The following GRID2 variants were observed in gnomAD, a reference collection of about 807,000 sequenced individuals.
GRID2 encodes the protein glutamate ionotropic receptor delta type subunit 2, also known as glutamate receptor ionotropic, delta-2.
In GRID2, 33 loss-of-function variants were observed where a neutral mutation model predicts 114.8. That is an observed-to-expected ratio of 0.29 (90% CI 0.22 to 0.38). GRID2 has a LOEUF of 0.38. Among genes scored for constraint, GRID2 ranks in the 10% least tolerant of loss-of-function variants. The probability of loss-of-function intolerance (pLI) is 1.00; values close to 1 mark genes in which losing one functional copy is unlikely to be tolerated. For missense variants in GRID2, 1,184 were observed against 1,257.7 expected, an observed-to-expected ratio of 0.94 and a Z score of 0.89; for synonymous variants, 505 against 449.9, an observed-to-expected ratio of 1.12 and a Z score of -1.55.
At chr4:93,593,573 C>T in intron 13 of GRID2, among the ~76,000 whole-genome samples, 1 of 147,974 alleles carries the variant, frequency 6.8e-6, no homozygotes, top group Non-Finnish European at 1.5e-5. Context: ...GTGGCGTTCT[C>T]TGTATTTCCT....
rs140155950 is a variant in GRID2, at chr4:93,095,760, A to G, written c.529+10481A>G. 4.7e-4 allele frequency among the ~76,000 whole-genome samples: 72 copies of G among 152,150 alleles called. No homozygotes were observed. The East Asian group carries it at 6.6e-3, about 14-fold the overall frequency. On this transcript the variant is annotated intron_variant, in intron 3 of 15. Transcript: ENST00000282020. Reference sequence around the variant, plus strand: ...GACCAAGAGTATTTAAAGAAGAACTAAATAATGGAGAGATATATGTTCATG... The same window carrying G: ...GACCAAGAGTATTTAAAGAAGAACTGAATAATGGAGAGATATATGTTCATG...
intron 2 of GRID2, among the ~76,000 whole-genome samples, chr4:92,884,273 T>C (rs1169548475): frequency 6.6e-6 from 1 of 152,110 alleles, no homozygotes; most frequent in Non-Finnish European, 1.5e-5. Context: ...TTGAAGAGAG[T>C]TGGGGTCTTG....
chr4:92,754,574 A>G (rs964657381), intron 2 of GRID2, among the ~76,000 whole-genome samples: 13 of 152,174 alleles, frequency 8.5e-5, no homozygotes, highest in Non-Finnish European at 1.6e-4. Context: ...GATTAAATGA[A>G]TTATTATAAT....
chr4:92,567,173 G>A (rs888248314), intron 1 of GRID2, among the ~76,000 whole-genome samples: 4 of 151,828 alleles, frequency 2.6e-5, no homozygotes, highest in Admixed American at 1.3e-4. Context: ...AAAACTTATC[G>A]GATCAGATAA....
chr4:93,257,531 T>C (rs1469173446), intron 8 of GRID2, among the ~76,000 whole-genome samples: 3 of 151,772 alleles, frequency 2.0e-5, no homozygotes, highest in African/African-American at 7.2e-5. Flanking sequence ...ATTGTTTCTA[T>C]AGATAGAAGA....
At chr4:92,879,489 T>C (rs766275586) in intron 2 of GRID2, among the ~76,000 whole-genome samples, 2 of 152,190 alleles carry the variant, frequency 1.3e-5, no homozygotes, top group Non-Finnish European at 2.9e-5. Flanking sequence ...TAGCAGTGTA[T>C]ACCCATACAG....
intron 2 of GRID2, among the ~76,000 whole-genome samples, chr4:92,630,105 C>G (rs1449668533): frequency 1.3e-5 from 2 of 151,924 alleles, no homozygotes; most frequent in East Asian, 3.9e-4. Flanking sequence ...TGTCTATGTT[C>G]CCACTGTGAA....
rs372690684 is a variant in GRID2 at position 92,879,575 on chromosome 4, TGTAAGGCAA to T, written c.245-205418_245-205410del. ...GCCAGAGATCCCATATACACTTGCC[TGTAAGGCAA>T]GGGAACCATTGTCATTTTTATTCAT... On this transcript the variant is annotated intron_variant, in intron 2 of 15. Transcript: ENST00000282020. 5.3e-3 allele frequency among the ~76,000 whole-genome samples: 808 copies of T among 152,376 alleles called. 8 individuals carry two copies. The highest frequency in any genetic ancestry group is 0.019 in the African/African-American group (778 of 41,596).
chr4:93,046,363 G>A (rs996732755), intron 2 of GRID2, among the ~76,000 whole-genome samples: 10 of 152,138 alleles, frequency 6.6e-5, no homozygotes, highest in Admixed American at 6.6e-4. Context: ...TTCTTTTAAA[G>A]TTCACATTCT....
At position 93,435,365 on chromosome 4, in the gene GRID2, T is replaced by C. The variant is rs749180092; in HGVS notation, c.1545+12397T>C. On this transcript the variant is annotated intron_variant, in intron 10 of 15. Coordinates refer to ENST00000282020, the MANE Select transcript of GRID2 (RefSeq NM_001510.4). The stretch of plus-strand genomic sequence containing the variant: ...ATTTGGACTTTATATAAAATGTTTT[T>C]ATCTTTGTTGAAAGACTACACTTTG... Among the ~76,000 whole-genome samples the C allele has an allele frequency of 6.7e-4, 102 of 152,316 alleles. 1 individual carries two copies. Among genetic ancestry groups the C allele is most frequent in the Non-Finnish European group, 1.4e-3 (95 of 68,026 alleles).
intron 2 of GRID2, among the ~76,000 whole-genome samples, chr4:92,632,815 G>C (rs1189284279): frequency 6.6e-6 from 1 of 152,074 alleles, no homozygotes; most frequent in East Asian, 1.9e-4. Flanking sequence ...ATTATACATT[G>C]AAAGTAGATT....
chr4:93,549,474 C>T (rs746326801), intron 13 of GRID2, among the ~76,000 whole-genome samples: 3 of 152,140 alleles, frequency 2.0e-5, no homozygotes, highest in African/African-American at 2.4e-5. Context: ...CTATCGAGGT[C>T]GTGTGTTTGA....
chr4:92,367,622 A>G lies in GRID2; in HGVS notation c.88+62878A>G, dbSNP rs373928180. On this transcript the variant is annotated intron_variant, in intron 1 of 15. Transcript: ENST00000282020. The stretch of plus-strand genomic sequence containing the variant: ...GGCAGAAAGGGCAAGTTTCCGTTAA[A>G]GGGAGATGTGTAGCTGTGATCACTT... Among the ~76,000 whole-genome samples, 168 of 152,216 alleles carry G rather than the reference A, an allele frequency of 1.1e-3. 1 individual carries two copies. The South Asian group carries it at 0.011, about 10-fold the overall frequency.
chr4:93,425,782 C>T (rs182528367), intron 10 of GRID2, among the ~76,000 whole-genome samples: 1 of 152,138 alleles, frequency 6.6e-6, no homozygotes, highest in South Asian at 2.1e-4. Flanking sequence ...TCTACTTGAG[C>T]TCTGTCGACC....
rs552794960 is a variant in GRID2, at chr4:92,731,034, T to C, written c.244+140748T>C. On this transcript the variant is annotated intron_variant, in intron 2 of 15. Transcript: ENST00000282020. ...AATTTCCAACTTTAGGAATTATAAT[T>C]TATGTGGTGGTTTAAGCTTTCAGGT... Among the ~76,000 whole-genome samples the C allele has an allele frequency of 4.6e-5, 7 of 151,976 alleles. No individual in the cohort carries two copies. In the East Asian group the frequency reaches 1.4e-3, roughly 29 times the overall value.
chr4:93,415,942 A>T (rs1767660581), intron 9 of GRID2, among the ~76,000 whole-genome samples: 2 of 151,918 alleles, frequency 1.3e-5, no homozygotes, highest in Admixed American at 6.6e-5. Flanking sequence ...ATTGTATCTT[A>T]TTGTCTGGTA....
intron 2 of GRID2, among the ~76,000 whole-genome samples, chr4:92,610,864 T>TATG (rs1409657827): frequency 6.6e-6 from 1 of 151,748 alleles, no homozygotes; most frequent in Admixed American, 6.6e-5. Flanking sequence ...GATGTTTATC[T>TATG]ATGTTGTAGC....
chr4:93,672,033 G>A (rs1724468124), intron 14 of GRID2, among the ~76,000 whole-genome samples: 3 of 152,016 alleles, frequency 2.0e-5, no homozygotes, highest in Admixed American at 2.0e-4. Context: ...TTAAACACAA[G>A]CAATGAAGGT....
intron 8 of GRID2, among the ~76,000 whole-genome samples, chr4:93,385,188 T>C (rs768093158): frequency 6.6e-6 from 1 of 152,212 alleles, no homozygotes; most frequent in South Asian, 2.1e-4. Flanking sequence ...GGAAGAATCA[T>C]ACAGTGACCT....
Sources: gnomAD v4.1 joint callset for allele counts (sites outside exome capture counted in the v4.1 genomes callset) on GRCh38, gnomAD v4.1.1 for gene constraint, MANE v1.5 for transcripts, NCBI Gene and HGNC (gene_info 2026-07-23, HGNC 2026-07-21) for gene names.